LRIG2: variants seen among roughly 807,000 people sequenced by gnomAD.
LRIG2 encodes leucine-rich repeats and immunoglobulin-like domains protein 2.
A neutral mutation model predicts 107.8 loss-of-function variants in LRIG2; 93 were observed. The observed-to-expected ratio is 0.86, with a 90% confidence interval of 0.73 to 1.03. The LOEUF (loss-of-function observed/expected upper bound fraction) is 1.03, where lower values mean the gene tolerates loss of function less well. Ranked by LOEUF, LRIG2 falls within the 50% of genes least tolerant of loss-of-function variation. The pLI, the probability that LRIG2 is intolerant of heterozygous loss-of-function variation, is 0.00. For synonymous variants in LRIG2, 471 were observed against 470.6 expected (o/e 1.00, Z -0.01); for missense variants, 1,226 against 1,296.0 (o/e 0.95, Z 0.83).
At chr1:113,097,589 G>A (rs1557906614) in intron 8 of LRIG2, among the ~76,000 whole-genome samples, 1 of 152,198 alleles carries the variant, frequency 6.6e-6, no homozygotes, top group African/African-American at 2.4e-5. Context: ...TGTAGCTGCA[G>A]CCTTTTGGCA....
chr1:113,102,374 T>C (rs561802575), intron 11 of LRIG2, among the ~76,000 whole-genome samples: 1 of 152,150 alleles, frequency 6.6e-6, no homozygotes, highest in South Asian at 2.1e-4. Flanking sequence ...GTTCAAGTGA[T>C]TCTCCTGCCT....
intron 14 of LRIG2, among the ~76,000 whole-genome samples, chr1:113,113,906 T>G (rs917067500): frequency 1.3e-5 from 2 of 152,168 alleles, no homozygotes; most frequent in Admixed American, 6.6e-5. Flanking sequence ...TACTTAAGGA[T>G]TTTAGCATAT....
intron 1 of LRIG2, among the ~76,000 whole-genome samples, chr1:113,089,736 C>T (rs1158735739): frequency 8.2e-6 from 1 of 121,466 alleles, no homozygotes; most frequent in Non-Finnish European, 1.6e-5. Flanking sequence ...GGCTGGAGTG[C>T]AGTGGTGCAA....
chr1:113,098,702 TAG>T lies in LRIG2; in HGVS notation c.1093_1094del, dbSNP rs1557907162. The T allele has an allele frequency of 1.2e-6, 2 of 1,601,786 alleles. No homozygotes were observed. Among genetic ancestry groups the T allele is most frequent in the Non-Finnish European group, 1.7e-6 (2 of 1,168,936 alleles). On this transcript the variant is annotated splice_acceptor_variant, in intron 8 of 17. Coordinates refer to ENST00000361127, the MANE Select transcript of LRIG2 (RefSeq NM_014813.3). LOFTEE classifies it high-confidence loss of function. ...CACCTGTCTTTCTCTGACATTTTTG[TAG>T]AGACTTAAGAAACAATGAAATTTCA...
At chr1:113,119,130 A>G (rs1371431764) in intron 16 of LRIG2, 103 bp from the exon 17 acceptor site, 21 of 1,070,340 alleles carry the variant, frequency 2.0e-5, no homozygotes, top group Non-Finnish European at 2.8e-5. Flanking sequence ...TAAGTGCTCA[A>G]TACATGCTAG....
At chr1:113,123,730 TGTGTGTGTGTGTG>T (rs1655365369) in intron 17 of LRIG2, 132 bp from the exon 18 acceptor site, 10 of 462,680 alleles carry the variant, frequency 2.2e-5, no homozygotes, top group South Asian at 1.3e-4. Flanking sequence ...GTGGTTTTTG[TGTGTGTGTGTGTG>T]TGTGTGTGTG....
rs1268406636 is a variant in LRIG2, at chr1:113,100,282, T to C, written c.1244T>C (p.Leu415Pro). Residue 415 changes from leucine (L) to proline (P), a missense_variant and splice_region_variant, in exon 10 of 18, where the codon CTA becomes CCA. By Grantham distance (98) the Leu-to-Pro change is moderately conservative. This residue lies in a region of LRIG2 where 570 missense variants were observed against 550.2 expected (regional missense o/e 1.04). Coordinates refer to ENST00000361127, the MANE Select transcript of LRIG2 (RefSeq NM_014813.3). ...AFIGLESLEH[L>P]DLNNNAIMSI... ...ATTGGTCTTGAATCCCTTGAGCATC[T>C]GTAAGTATTTTGCATACATTTTGCT... is the stretch of plus-strand genomic sequence containing the variant. The C allele has an allele frequency of 5.0e-6, 8 of 1,585,236 alleles. No homozygotes were observed. The highest frequency in any genetic ancestry group is 6.9e-6 in the Non-Finnish European group (8 of 1,159,310).
chr1:113,104,002 A>G (rs984701660), intron 11 of LRIG2, among the ~76,000 whole-genome samples: 3 of 151,954 alleles, frequency 2.0e-5, no homozygotes, highest in Non-Finnish European at 2.9e-5. Context: ...TCCCATGGCA[A>G]TTTCTCTGGC....
In LRIG2 at chr1:113,128,128, G is replaced by C. The variant is rs1655559426; in HGVS notation, c.*4027G>C. 1 of 152,086 alleles carries C rather than the reference G, an allele frequency of 6.6e-6. No individual in the cohort carries two copies. The highest frequency in any genetic ancestry group is 2.4e-5 in the African/African-American group (1 of 41,426). The allele number at this position is 152,086 out of a possible 1,614,324, so 9.4% of individuals were successfully genotyped here. Reference sequence around the variant, plus strand: ...CACATAATTTCTCAACTTTTTGCCAGAAAGTTGAGCATTTATTCATACTTA... The same window carrying C: ...CACATAATTTCTCAACTTTTTGCCACAAAGTTGAGCATTTATTCATACTTA... On this transcript the variant is annotated 3_prime_UTR_variant, in exon 18 of 18. Transcript: ENST00000361127.
chr1:113,079,242 G>T (rs561355415), intron 1 of LRIG2, among the ~76,000 whole-genome samples: 1 of 152,010 alleles, frequency 6.6e-6, no homozygotes, highest in South Asian at 2.1e-4. Context: ...CAGTTACTTG[G>T]GGGGCTGAGG....
intron 1 of LRIG2, among the ~76,000 whole-genome samples, chr1:113,079,663 C>T (rs1421798160): frequency 6.8e-6 from 1 of 146,392 alleles, no homozygotes; most frequent in African/African-American, 2.5e-5. Flanking sequence ...CAGAGCAAGA[C>T]TCCATCTCAA....
chr1:113,075,517 ACTC>A (rs979376798), intron 1 of LRIG2, among the ~76,000 whole-genome samples: 3 of 151,882 alleles, frequency 2.0e-5, no homozygotes, highest in Non-Finnish European at 4.4e-5. Flanking sequence ...AAATTTAAAA[ACTC>A]CTATCAGTGT....
intron 1 of LRIG2, among the ~76,000 whole-genome samples, chr1:113,079,822 A>G (rs908665642): frequency 1.1e-4 from 15 of 133,088 alleles, no homozygotes; most frequent in African/African-American, 3.5e-4. Context: ...GCTCACTGCC[A>G]CCCGAGTTCA....
intron 4 of LRIG2, among the ~76,000 whole-genome samples, chr1:113,093,953 G>A (rs1001405686): frequency 6.6e-6 from 1 of 152,128 alleles, no homozygotes; most frequent in Admixed American, 6.5e-5. Flanking sequence ...AAGAAAGATC[G>A]CACTATTGTC....
chr1:113,122,966 T>A (rs181566626), intron 17 of LRIG2, among the ~76,000 whole-genome samples: 8 of 152,372 alleles, frequency 5.3e-5, no homozygotes, highest in Non-Finnish European at 1.0e-4. Context: ...GAAGTTAATA[T>A]AACTTTCAGT....
chr1:113,099,491 T>A (rs757654616), intron 9 of LRIG2, among the ~76,000 whole-genome samples: 3 of 151,812 alleles, frequency 2.0e-5, no homozygotes, highest in Non-Finnish European at 4.4e-5. Context: ...CCTCCCACCT[T>A]GGCCTCCCAA....
intron 9 of LRIG2, 139 bp from the exon 10 acceptor site, chr1:113,100,072 T>C: frequency 2.1e-6 from 1 of 485,980 alleles, no homozygotes; most frequent in Non-Finnish European, 3.7e-6. Flanking sequence ...GTTTTTAGTA[T>C]ATCAATTGTA....
At chr1:113,093,160 A>G (rs1653899890) in intron 2 of LRIG2, 46 bp from the exon 3 acceptor site, 12 of 1,215,852 alleles carry the variant, frequency 9.9e-6, no homozygotes, top group Non-Finnish European at 1.3e-5. Flanking sequence ...CCAAGAGGTA[A>G]TATTTCCCTC....
chr1:113,105,804 G>A (rs906903618), intron 11 of LRIG2, among the ~76,000 whole-genome samples: 1 of 152,172 alleles, frequency 6.6e-6, no homozygotes, highest in Non-Finnish European at 1.5e-5. Flanking sequence ...AACTGTTAGA[G>A]AAAAAATTAC....
Sources: gnomAD v4.1 joint callset for allele counts (sites outside exome capture counted in the v4.1 genomes callset) on GRCh38, gnomAD v4.1.1 for gene constraint, gnomAD v4.1.1 regional missense constraint, MANE v1.5 for transcripts, NCBI Gene and HGNC (gene_info 2026-07-23, HGNC 2026-07-21) for gene names.